Variants in KCTD12 observed in about 807,000 individuals in gnomAD.
KCTD12 encodes potassium channel tetramerization domain containing 12.
In KCTD12, 16 loss-of-function variants were observed where a neutral mutation model predicts 22.6. The observed-to-expected ratio is 0.71, with a 90% CI of 0.48 to 1.07. The LOEUF (loss-of-function observed/expected upper bound fraction) is 1.07. Ranked by LOEUF, KCTD12 falls within the 50% of genes least tolerant of loss-of-function variation. The pLI is 0.00. For missense variants in KCTD12, 452 were observed against 469.2 expected, an observed-to-expected ratio of 0.96 and a Z score of 0.34; for synonymous variants, 260 against 228.0, an observed-to-expected ratio of 1.14 and a Z score of -1.26.
At position 76,885,729 on chromosome 13, in the gene KCTD12, C is replaced by A. The variant is rs1056281115; in HGVS notation, c.420G>T (p.Pro140=). The A allele has an allele frequency of 2.3e-5, 33 of 1,407,518 alleles. No individual in the cohort carries two copies. Among genetic ancestry groups the A allele is most frequent in the Non-Finnish European group, 2.8e-5 (31 of 1,094,928 alleles). The allele number at this position is 1,407,518 out of a possible 1,614,324, so 87.2% of individuals were successfully genotyped here. A position where few individuals can be genotyped will look rare whatever the true frequency, so the allele number is the denominator to read the frequency against. Residue 140 remains proline, a synonymous_variant, in exon 1 of 1, where the codon CCG becomes CCT. Transcript: ENST00000377474. This position sits in a 1 kb window ranked among gnomAD's most constrained non-coding sequence, Gnocchi z 5.1. ...CCTTGTGCACCCCGCGCCGCGAGGG[C>A]GGCGGCCCCGGGCCGGGCTGCTGGG... ...GAPQQPGPGP[P]PSRRGVHKEG...
Position 76,885,832 on chromosome 13 carries a change from T to G in KCTD12, c.317A>C (p.Tyr106Ser). The G allele has an allele frequency of 6.3e-7, 1 of 1,595,232 alleles. No individual in the cohort carries two copies. The highest frequency in any genetic ancestry group is 8.5e-7 in the Non-Finnish European group (1 of 1,178,712). Residue 106 changes from tyrosine to serine, a missense_variant, in exon 1 of 1, where the codon TAC becomes TCC. This residue lies in a region of KCTD12 where 330 missense variants were observed against 296.5 expected (regional missense o/e 1.11). Transcript: ENST00000377474. This position sits in a 1 kb window ranked among gnomAD's most constrained non-coding sequence, Gnocchi z 5.1. ...CTGCAGCCGGCTGCGCTCGGGGAAG[T>G]AGTCGGGCAGCACGAGCTGCAAGTC... ...LRDLQLVLPD[Y>S]FPERSRLQRE... is the part of the protein sequence containing the mutation.
rs1555308968 is a variant in KCTD12, at chr13:76,886,285, G to GCCACCGCCA, written c.-146_-138dup. ...CGCCGCCGCCGCCGCCGCCACCGCC[G>GCCACCGCCA]CCACCGCCACCGCCGCCACCTCCTA... is the stretch of plus-strand genomic sequence containing the variant. On this transcript the variant is annotated 5_prime_UTR_variant, in exon 1 of 1. Coordinates refer to ENST00000377474, the MANE Select transcript of KCTD12 (RefSeq NM_138444.4). The GCCACCGCCA allele has an allele frequency of 1.9e-5, 19 of 1,015,728 alleles. 1 individual carries two copies. The highest frequency in any genetic ancestry group is 3.4e-4 in the Middle Eastern group (1 of 2,946). 62.9% of individuals were successfully genotyped at this position (1,015,728 alleles called of 1,614,324 possible).
rs1005797862 is a variant in KCTD12 at position 76,880,896 on chromosome 13, C to T, written c.*4275G>A. 2.0e-5 allele frequency: 3 copies of T among 152,508 alleles called. No individual in the cohort carries two copies. Among genetic ancestry groups the T allele is most frequent in the African/African-American group, 7.2e-5 (3 of 41,444 alleles). The allele number at this position is 152,508 out of a possible 1,614,324, so 9.4% of individuals were successfully genotyped here. ...TTAACTAGTCCATCTTCCTACCACA[C>T]ATGATTATACTCTAATGTAGATATT... On this transcript the variant is annotated 3_prime_UTR_variant, in exon 1 of 1. Transcript: ENST00000377474.
rs1472379637 is a variant in KCTD12 at position 76,880,265 on chromosome 13, A to T, written c.*4906T>A. ...ATTCATTACTTCACACACAGGAAGG[A>T]AAACAGTAGCTAGTATTTCTGTTAT... is the stretch of plus-strand genomic sequence containing the variant. On this transcript the variant is annotated 3_prime_UTR_variant, in exon 1 of 1. Coordinates refer to ENST00000377474, the MANE Select transcript of KCTD12 (RefSeq NM_138444.4). 1.3e-5 allele frequency: 2 copies of T among 152,700 alleles called. No individual in the cohort carries two copies. Among genetic ancestry groups the T allele is most frequent in the Non-Finnish European group, 2.9e-5 (2 of 68,050 alleles). The allele number at this position is 152,700 out of a possible 1,614,324, so 9.5% of individuals were successfully genotyped here. A position where few individuals can be genotyped will look rare whatever the true frequency, so the allele number is the denominator to read the frequency against.
chr13:76,884,777 T>C lies in KCTD12; in HGVS notation c.*394A>G, dbSNP rs1007842336. 5.8e-5 allele frequency: 11 copies of C among 188,666 alleles called. No homozygotes were observed. The highest frequency in any genetic ancestry group is 1.6e-4 in the African/African-American group (7 of 42,622). The allele number at this position is 188,666 out of a possible 1,614,324, so 11.7% of individuals were successfully genotyped here. A position where few individuals can be genotyped will look rare whatever the true frequency, so the allele number is the denominator to read the frequency against. On this transcript the variant is annotated 3_prime_UTR_variant, in exon 1 of 1. Transcript: ENST00000377474. Reference sequence around the variant, plus strand: ...AGATTTCAAGGAAATCTTCCGCACATTGGACACGGTCCAATCAGGTTCTGA... The same window carrying C: ...AGATTTCAAGGAAATCTTCCGCACACTGGACACGGTCCAATCAGGTTCTGA...
Position 76,886,107 on chromosome 13 carries a change from GC to G in KCTD12, c.41del (p.Gly14AlafsTer25). 1 of 1,540,328 alleles carries G rather than the reference GC, an allele frequency of 6.5e-7. No individual in the cohort carries two copies. On this transcript the variant is annotated frameshift_variant, in exon 1 of 1. Coordinates refer to ENST00000377474, the MANE Select transcript of KCTD12 (RefSeq NM_138444.4). LOFTEE classifies it high-confidence loss of function. ...ADSTRGLPNG[G>X]GGGGGSGSSS... ...AGGAGCCACTGCCGCCCCCGCCGCCGCCCCCGTTGGGTAATCCACGTGTGCT... is the reference window on the plus strand; with the variant it reads ...AGGAGCCACTGCCGCCCCCGCCGCCGCCCCGTTGGGTAATCCACGTGTGCT...
Position 76,885,269 on chromosome 13 carries a change from A to C in KCTD12, c.880T>G (p.Cys294Gly). The C allele has an allele frequency of 6.2e-7, 1 of 1,614,032 alleles. No homozygotes were observed. Among genetic ancestry groups the C allele is most frequent in the Non-Finnish European group, 8.5e-7 (1 of 1,180,014 alleles). ...LSESGFHMVA[C>G]SSTGTCAFAS... ...AAGGCGCAGGTGCCCGTGGAGCTGC[A>C]CGCCACCATGTGGAAGCCCGACTCG... Residue 294 changes from cysteine to glycine, a missense_variant, in exon 1 of 1, where the codon TGC (cysteine) becomes GGC (glycine). Physicochemically the swap from Cys to Gly is radical, Grantham distance 159. This residue lies in a region of KCTD12 where 122 missense variants were observed against 172.8 expected (regional missense o/e 0.71). Coordinates refer to ENST00000377474, the MANE Select transcript of KCTD12 (RefSeq NM_138444.4). This position sits in a 1 kb window ranked among gnomAD's most constrained non-coding sequence, Gnocchi z 5.1.
In KCTD12 at chr13:76,884,902, A is replaced by C; in HGVS notation, c.*269T>G. 2.4e-6 allele frequency: 1 copy of C among 417,394 alleles called. No homozygotes were observed. The highest frequency in any genetic ancestry group is 3.1e-5 in the South Asian group (1 of 31,788). 25.9% of individuals were successfully genotyped at this position (417,394 alleles called of 1,614,324 possible). On this transcript the variant is annotated 3_prime_UTR_variant, in exon 1 of 1. Coordinates refer to ENST00000377474, the MANE Select transcript of KCTD12 (RefSeq NM_138444.4). ...GTGGTTTGAGGCAGGGAGTAGAGAA[A>C]GCATGGAGTGGTAGGTGGGGGTGGG...
In KCTD12 at chr13:76,880,705, T is replaced by C. The variant is rs1206985008; in HGVS notation, c.*4466A>G. 1 of 152,638 alleles carries C rather than the reference T, an allele frequency of 6.6e-6. No individual in the cohort carries two copies. Among genetic ancestry groups the C allele is most frequent in the Non-Finnish European group, 1.5e-5 (1 of 68,016 alleles). 9.5% of individuals were successfully genotyped at this position (152,638 alleles called of 1,614,324 possible). On this transcript the variant is annotated 3_prime_UTR_variant, in exon 1 of 1. Coordinates refer to ENST00000377474, the MANE Select transcript of KCTD12 (RefSeq NM_138444.4). ...GAGTGGTCATAAATGAATTGTCATT[T>C]GTATTCAATAGTAATAGCAAAATTT...
At position 76,886,263 on chromosome 13, in the gene KCTD12, C is replaced by T. The variant is rs1311714242; in HGVS notation, c.-115G>A. 5 of 1,162,472 alleles carry T rather than the reference C, an allele frequency of 4.3e-6. No individual in the cohort carries two copies. In the African/African-American group the frequency reaches 6.2e-5, roughly 14 times the overall value. 72.0% of individuals were successfully genotyped at this position (1,162,472 alleles called of 1,614,324 possible). A position where few individuals can be genotyped will look rare whatever the true frequency, so the allele number is the denominator to read the frequency against. Reference sequence around the variant, plus strand: ...ACGCTCGCTCAGCCCTGCGCCCCGCCGCCGCCGCCGCCGCCACCGCCGCCA... The same window carrying T: ...ACGCTCGCTCAGCCCTGCGCCCCGCTGCCGCCGCCGCCGCCACCGCCGCCA... On this transcript the variant is annotated 5_prime_UTR_variant, in exon 1 of 1. Transcript: ENST00000377474.
In KCTD12 at chr13:76,881,486, T is replaced by C. The variant is rs920717240; in HGVS notation, c.*3685A>G. ...AATAACATTCCATCGAAAATTCCAA[T>C]AAAAATTGGAATATATTATGAGCAC... On this transcript the variant is annotated 3_prime_UTR_variant, in exon 1 of 1. Coordinates refer to ENST00000377474, the MANE Select transcript of KCTD12 (RefSeq NM_138444.4). 6.6e-5 allele frequency: 10 copies of C among 152,602 alleles called. No homozygotes were observed. The highest frequency in any genetic ancestry group is 1.2e-4 in the Non-Finnish European group (8 of 68,010). The allele number at this position is 152,602 out of a possible 1,614,324, so 9.5% of individuals were successfully genotyped here.
rs1289981406 is a variant in KCTD12 at position 76,883,987 on chromosome 13, C to T, written c.*1184G>A. On this transcript the variant is annotated 3_prime_UTR_variant, in exon 1 of 1. Coordinates refer to ENST00000377474, the MANE Select transcript of KCTD12 (RefSeq NM_138444.4). ...TCAAAACAGTAAGTTAAGTAAACTGCCAGGTAAGAGTAGGTCTGTTATTAA... is the reference window on the plus strand; with the variant it reads ...TCAAAACAGTAAGTTAAGTAAACTGTCAGGTAAGAGTAGGTCTGTTATTAA... The T allele has an allele frequency of 1.3e-5, 2 of 152,548 alleles. No homozygotes were observed. The highest frequency in any genetic ancestry group is 1.9e-4 in the East Asian group (1 of 5,202). 9.4% of individuals were successfully genotyped at this position (152,548 alleles called of 1,614,324 possible).
rs888962990 is a variant in KCTD12 at position 76,883,331 on chromosome 13, T to C, written c.*1840A>G. ...CTAATTTAAACACTGAAAACAGCTCTTACAAAATCCTTAAAAACGTACATC... is the reference window on the plus strand; with the variant it reads ...CTAATTTAAACACTGAAAACAGCTCCTACAAAATCCTTAAAAACGTACATC... On this transcript the variant is annotated 3_prime_UTR_variant, in exon 1 of 1. Coordinates refer to ENST00000377474, the MANE Select transcript of KCTD12 (RefSeq NM_138444.4). 3.3e-5 allele frequency: 5 copies of C among 152,382 alleles called. No homozygotes were observed. The highest frequency in any genetic ancestry group is 2.0e-4 in the Admixed American group (3 of 15,284). 9.4% of individuals were successfully genotyped at this position (152,382 alleles called of 1,614,324 possible). A position where few individuals can be genotyped will look rare whatever the true frequency, so the allele number is the denominator to read the frequency against.
Position 76,886,024 on chromosome 13 carries a change from C to T in KCTD12, c.125G>A (p.Gly42Asp). 2 of 1,589,322 alleles carry T rather than the reference C, an allele frequency of 1.3e-6. No homozygotes were observed. Among genetic ancestry groups the T allele is most frequent in the Non-Finnish European group, 1.7e-6 (2 of 1,172,116 alleles). ...GCAGCGCCGGGTCACGTACACCTGG[C>T]CCCCCACGTTCAGCTCCACGATGTC... is the stretch of plus-strand genomic sequence containing the variant. Reference protein sequence around the residue: ...FPDIVELNVGGQVYVTRRCTV... With the variant: ...FPDIVELNVGDQVYVTRRCTV... Residue 42 changes from glycine to aspartate, a missense_variant, in exon 1 of 1, where the codon GGC becomes GAC. This residue lies in a region of KCTD12 where 330 missense variants were observed against 296.5 expected (regional missense o/e 1.11). Coordinates refer to ENST00000377474, the MANE Select transcript of KCTD12 (RefSeq NM_138444.4).
rs1191196990 is a variant in KCTD12 at position 76,881,201 on chromosome 13, A to C, written c.*3970T>G. ...ACAGGAAAACAATTCCAAACGAAGGATTGACTCTGATAGGCTTACAACAAA... is the reference window on the plus strand; with the variant it reads ...ACAGGAAAACAATTCCAAACGAAGGCTTGACTCTGATAGGCTTACAACAAA... On this transcript the variant is annotated 3_prime_UTR_variant, in exon 1 of 1. Transcript: ENST00000377474. The C allele has an allele frequency of 5.9e-5, 9 of 152,162 alleles. No individual in the cohort carries two copies. The highest frequency in any genetic ancestry group is 5.9e-4 in the Admixed American group (9 of 15,280). The allele number at this position is 152,162 out of a possible 1,614,324, so 9.4% of individuals were successfully genotyped here.
In KCTD12 at chr13:76,886,285, G is replaced by GCCACCACCGCCGCCA. The variant is rs57241383; in HGVS notation, c.-138_-137insTGGCGGCGGTGGTGG. ...CGCCGCCGCCGCCGCCGCCACCGCC[G>GCCACCACCGCCGCCA]CCACCGCCACCGCCGCCACCTCCTA... On this transcript the variant is annotated 5_prime_UTR_variant, in exon 1 of 1. Transcript: ENST00000377474. 3 of 1,015,746 alleles carry GCCACCACCGCCGCCA rather than the reference G, an allele frequency of 3.0e-6. No individual in the cohort carries two copies. The highest frequency in any genetic ancestry group is 3.9e-6 in the Non-Finnish European group (3 of 778,380). The allele number at this position is 1,015,746 out of a possible 1,614,324, so 62.9% of individuals were successfully genotyped here.
rs967519849 is a variant in KCTD12, at chr13:76,885,781, G to A, written c.368C>T (p.Pro123Leu). ...CGCCCCGAGGCGGCGCACGAGCTCT[G>A]GCAGCTCGAAGTACTCGGCCTCGCG... ...LQREAEYFEL[P>L]ELVRRLGAPQ... is the part of the protein sequence containing the mutation. The change falls in exon 1 of 1, where the codon CCA (proline) becomes CTA (leucine). Residue 123 changes from proline (P) to leucine (L), a missense_variant. Pro to Leu is a moderately conservative substitution (Grantham distance 98). This residue lies in a region of KCTD12 where 330 missense variants were observed against 296.5 expected (regional missense o/e 1.11). Coordinates refer to ENST00000377474, the MANE Select transcript of KCTD12 (RefSeq NM_138444.4). The surrounding 1 kb of genome is among the most constrained non-coding windows in gnomAD (Gnocchi z 5.1). 9 of 1,576,690 alleles carry A rather than the reference G, an allele frequency of 5.7e-6. No homozygotes were observed. The highest frequency in any genetic ancestry group is 7.7e-6 in the Non-Finnish European group (9 of 1,171,186).
In KCTD12 at chr13:76,885,367, C is replaced by G; in HGVS notation, c.782G>C (p.Arg261Pro). 6.2e-7 allele frequency: 1 copy of G among 1,613,702 alleles called. No individual in the cohort carries two copies. The highest frequency in any genetic ancestry group is 8.5e-7 in the Non-Finnish European group (1 of 1,179,918). Reference protein sequence around the residue: ...DTLNESRDPDRPPERYTSRYY... With the variant: ...DTLNESRDPDPPPERYTSRYY... The stretch of plus-strand genomic sequence containing the variant: ...GCGCGAGGTGTAGCGCTCCGGGGGA[C>G]GGTCGGGGTCCCGGCTTTCGTTCAG... Residue 261 changes from arginine (R) to proline (P), a missense_variant, in exon 1 of 1, where the codon CGT becomes CCT. This residue lies in a region of KCTD12 where 122 missense variants were observed against 172.8 expected (regional missense o/e 0.71). Transcript: ENST00000377474. This position sits in a 1 kb window ranked among gnomAD's most constrained non-coding sequence, Gnocchi z 5.1.
Position 76,886,091 on chromosome 13 carries a change from TGCCGCCCCCGCC to T in KCTD12, c.46_57del (p.Gly16_Gly19del), listed in dbSNP as rs1230619182. 2 of 1,548,752 alleles carry T rather than the reference TGCCGCCCCCGCC, an allele frequency of 1.3e-6. No homozygotes were observed. The highest frequency in any genetic ancestry group is 1.7e-6 in the Non-Finnish European group (2 of 1,148,774). ...TCCGCGGAGGACGACGAGGAGCCAC[TGCCGCCCCCGCC>T]GCCGCCCCCGTTGGGTAATCCACGT... On this transcript the variant is annotated inframe_deletion, in exon 1 of 1. Coordinates refer to ENST00000377474, the MANE Select transcript of KCTD12 (RefSeq NM_138444.4).
Sources: allele counts gnomAD v4.1 joint callset, GRCh38; gene constraint gnomAD v4.1.1; regional missense constraint gnomAD v4.1.1; non-coding constraint Gnocchi (gnomAD v3.1); transcripts MANE v1.5; gene names NCBI Gene and HGNC (gene_info 2026-07-23, HGNC 2026-07-21).